The following TNS1 variants were observed in gnomAD, a reference collection of about 807,000 sequenced individuals.
The protein encoded by TNS1 is tensin 1, also known as tensin-1.
TNS1 carries 62 observed loss-of-function variants against 168.6 expected under a neutral mutation model. The observed-to-expected ratio is 0.37, with a 90% CI of 0.30 to 0.45. TNS1 has a LOEUF of 0.45. TNS1 is among the 20% of genes least tolerant of loss of function. The pLI, the probability that TNS1 is intolerant of heterozygous loss-of-function variation, is 1.00. For missense variants in TNS1, 2,240 were observed against 2,339.4 expected, an observed-to-expected ratio of 0.96 and a Z score of 0.88; for synonymous variants, 934 against 933.2, an observed-to-expected ratio of 1.00 and a Z score of -0.02.
chr2:218,029,737 G>A (rs1310524968), intron 1 of TNS1, among the ~76,000 whole-genome samples: 1 of 152,156 alleles, frequency 6.6e-6, no homozygotes, highest in Non-Finnish European at 1.5e-5. Context: ...AGTCGGGATT[G>A]CGCACTGCCC....
chr2:217,947,104 C>T, intron 3 of TNS1, among the ~76,000 whole-genome samples: 1 of 152,024 alleles, frequency 6.6e-6, no homozygotes, highest in Non-Finnish European at 1.5e-5. Flanking sequence ...ACCTCCCATC[C>T]CCAGCCTCCT....
chr2:217,847,121 C>T (rs1946755593), intron 19 of TNS1, among the ~76,000 whole-genome samples: 1 of 152,184 alleles, frequency 6.6e-6, no homozygotes, highest in African/African-American at 2.4e-5. Flanking sequence ...TACTCCAACC[C>T]CAAAGTCACC....
intron 18 of TNS1, among the ~76,000 whole-genome samples, chr2:217,856,339 C>G (rs552950155): frequency 1.3e-5 from 2 of 152,254 alleles, no homozygotes; most frequent in Non-Finnish European, 2.9e-5. Flanking sequence ...CCAGGAAGAC[C>G]CCGACCTCCT....
chr2:217,824,858 G>A lies in TNS1; in HGVS notation c.3374-2920C>T, dbSNP rs549846573. Among the ~76,000 whole-genome samples, 8 of 152,228 alleles carry A rather than the reference G, an allele frequency of 5.3e-5. No homozygotes were observed. In the South Asian group the frequency reaches 1.5e-3, roughly 28 times the overall value. On this transcript the variant is annotated intron_variant, in intron 22 of 32. Transcript: ENST00000682258. ...ACCACCTCTCTCCCAGCCAGGGAGA[G>A]AAAGCCACTCTTTGGCTGCCCGTGG...
chr2:217,843,709 A>G (rs1364637), intron 19 of TNS1, among the ~76,000 whole-genome samples: 67,141 of 151,734 alleles, frequency 0.44, 15,474 homozygotes, highest in African/African-American at 0.6. Context: ...ACCCTTTACC[A>G]TCTTGACTTC....
chr2:217,898,103 A>C lies in TNS1; in HGVS notation c.372-134T>G, dbSNP rs949938679. On this transcript the variant is annotated intron_variant, in intron 7 of 32. Transcript: ENST00000682258. ...AGGGTGCTTGGCTGCTCTTCAACCC[A>C]AGGCCAAGGCCACAGGCTTCCTCTG... The C allele has an allele frequency of 3.8e-6, 4 of 1,045,290 alleles. No individual in the cohort carries two copies. In the East Asian group the frequency reaches 9.4e-5, roughly 25 times the overall value. 64.8% of individuals were successfully genotyped at this position (1,045,290 alleles called of 1,614,324 possible).
intron 6 of TNS1, chr2:217,905,547 C>T (rs1413220031): frequency 7.0e-6 from 2 of 287,650 alleles, no homozygotes; most frequent in South Asian, 2.8e-5. Context: ...GATAGGGCCT[C>T]GTGCCATCAA....
intron 18 of TNS1, chr2:217,850,685 C>T (rs912089628): frequency 2.8e-5 from 23 of 833,686 alleles, no homozygotes; most frequent in Middle Eastern, 6.2e-4. Flanking sequence ...AAAAAGCCAG[C>T]TCCCAAAGAC....
chr2:217,817,750 C>T lies in TNS1; in HGVS notation c.4582G>A (p.Gly1528Arg), dbSNP rs1371490574. 11 of 1,613,090 alleles carry T rather than the reference C, an allele frequency of 6.8e-6. No homozygotes were observed. Among genetic ancestry groups the T allele is most frequent in the African/African-American group, 2.7e-5 (2 of 74,794 alleles). The change falls in exon 24 of 33, where the codon GGG becomes AGG. Residue 1528 changes from glycine to arginine, a missense_variant. Physicochemically the swap from Gly to Arg is moderately radical, Grantham distance 125. Around this residue, in one of 2 missense-constraint regions of TNS1, gnomAD observed 2,131 missense variants for 2,171.2 expected, o/e 0.98. Transcript: ENST00000682258. ...TGGGAGAAGGAGACGGTGCTGCCCC[C>T]ACTGGGACTGGACATGCCGCTGGCG... ...PVASGMSSPS[G>R]GSTVSFSHTL...
chr2:217,996,118 G>T (rs1206784209), intron 1 of TNS1, among the ~76,000 whole-genome samples: 1 of 152,104 alleles, frequency 6.6e-6, no homozygotes, highest in African/African-American at 2.4e-5. Context: ...GATGAAAGGG[G>T]GTGATAGACC....
At chr2:217,941,405 A>G (rs1400327057) in intron 3 of TNS1, among the ~76,000 whole-genome samples, 1 of 152,256 alleles carries the variant, frequency 6.6e-6, no homozygotes, top group African/African-American at 2.4e-5. Flanking sequence ...AGGCATAGGA[A>G]GAACCTCAGA....
Position 217,804,291 on chromosome 2 carries a change from TTC to T in TNS1, c.*166_*167del. Reference sequence around the variant, plus strand: ...CTCTCTCTCTCTCTCTCTCTCTCTTTTCCCCCTCCCCTCTGCAATTCACTTCC... The same window carrying T: ...CTCTCTCTCTCTCTCTCTCTCTCTTTCCCCTCCCCTCTGCAATTCACTTCC... On this transcript the variant is annotated 3_prime_UTR_variant, in exon 33 of 33. Transcript: ENST00000682258. 1.4e-6 allele frequency: 1 copy of T among 692,974 alleles called. No individual in the cohort carries two copies. The highest frequency in any genetic ancestry group is 2.4e-6 in the Non-Finnish European group (1 of 420,502). 42.9% of individuals were successfully genotyped at this position (692,974 alleles called of 1,614,324 possible).
chr2:217,873,275 C>T (rs1949930603), intron 18 of TNS1, among the ~76,000 whole-genome samples: 2 of 152,172 alleles, frequency 1.3e-5, no homozygotes, highest in African/African-American at 4.8e-5. Flanking sequence ...ACACACCATG[C>T]ACACACATAC....
chr2:217,991,599 A>T (rs1269304526), intron 1 of TNS1, among the ~76,000 whole-genome samples: 1 of 152,038 alleles, frequency 6.6e-6, no homozygotes, highest in Non-Finnish European at 1.5e-5. Flanking sequence ...TTCACACACC[A>T]TGAATCTGAG....
intron 3 of TNS1, among the ~76,000 whole-genome samples, chr2:217,957,386 C>T (rs1957392041): frequency 2.6e-5 from 4 of 152,226 alleles, no homozygotes; most frequent in Admixed American, 2.6e-4. Flanking sequence ...CCTCTCCTTC[C>T]TGGGGACAGG....
rs1191841070 is a variant in TNS1, at chr2:217,836,177, G to A, written c.3042C>T (p.Pro1014=). 1.2e-6 allele frequency: 2 copies of A among 1,612,962 alleles called. No individual in the cohort carries two copies. The highest frequency in any genetic ancestry group is 1.7e-6 in the Non-Finnish European group (2 of 1,179,582). Residue 1014 remains proline, a synonymous_variant, in exon 20 of 33, where the codon CCC becomes CCT. Coordinates refer to ENST00000682258, the MANE Select transcript of TNS1 (RefSeq NM_001387777.1). ...VQAREKQPAE[P]PAPLRRRAAS... ...CCGCCCGCCTCCGCAGAGGGGCTGG[G>A]GGCTCTGCAGGCTGCTTCTCCCGAG...
intron 3 of TNS1, among the ~76,000 whole-genome samples, chr2:217,952,647 G>A (rs1440280398): frequency 6.6e-6 from 1 of 152,190 alleles, no homozygotes; most frequent in Non-Finnish European, 1.5e-5. Context: ...TCTCCAACTC[G>A]GATGGCGTGG....
rs1958692571 is a variant in TNS1 at position 218,010,112 on chromosome 2, G to T, written c.84C>A (p.Cys28Ter). The T allele has an allele frequency of 5.0e-6, 2 of 399,094 alleles. No individual in the cohort carries two copies. The highest frequency in any genetic ancestry group is 4.1e-5 in the African/African-American group (2 of 48,620). 24.7% of individuals were successfully genotyped at this position (399,094 alleles called of 1,614,324 possible). Residue 28 changes from cysteine to a stop codon, truncating the protein, a stop_gained, in exon 1 of 33, where the codon TGC becomes TGA. Transcript: ENST00000646520. LOFTEE classifies it high-confidence loss of function. ...CGAGAGCATTTACCTGGCTGCGGAG[G>T]CAGAAGCGCAGGGGCAGGAGGCACG...
chr2:217,889,337 C>G (rs1342367058), intron 12 of TNS1, among the ~76,000 whole-genome samples: 1 of 152,208 alleles, frequency 6.6e-6, no homozygotes, highest in East Asian at 1.9e-4. Flanking sequence ...TTCTAGCCAG[C>G]CAAGCAAGGT....
Sources: allele counts gnomAD v4.1 joint callset (sites outside exome capture counted in the v4.1 genomes callset), GRCh38; gene constraint gnomAD v4.1.1; regional missense constraint gnomAD v4.1.1; transcripts MANE v1.5; gene names NCBI Gene and HGNC (gene_info 2026-07-23, HGNC 2026-07-21).